CFAP47: variants seen among roughly 807,000 people sequenced by gnomAD.
CFAP47 encodes the protein cilia- and flagella-associated protein 47.
CFAP47 carries 29 observed loss-of-function variants against 148.1 expected under a neutral mutation model. That is an observed-to-expected ratio of 0.20 (90% CI 0.15 to 0.27). CFAP47 has a LOEUF of 0.27. Among genes scored for constraint, CFAP47 ranks in the 10% least tolerant of loss-of-function variants. The pLI is 1.00. For synonymous variants in CFAP47, 664 were observed against 577.3 expected, an observed-to-expected ratio of 1.15 and a Z score of -2.15; for missense variants, 1,872 against 1,697.5, an observed-to-expected ratio of 1.10 and a Z score of -1.81.
intron 41 of CFAP47, 47 bp from the exon 42 acceptor site, chrX:36,190,004 G>T (rs1939848743): frequency 6.8e-6 from 2 of 294,087 alleles, no homozygotes; most frequent in Non-Finnish European, 1.2e-5. Flanking sequence ...TAAATGAACA[G>T]CACTTACAAA....
intron 21 of CFAP47, among the ~76,000 whole-genome samples, chrX:36,004,644 G>A (rs1463091744): frequency 9.2e-6 from 1 of 109,172 alleles, no homozygotes; most frequent in Non-Finnish European, 1.9e-5. Flanking sequence ...TTAAGTGAAT[G>A]CAACTAGATA....
intron 48 of CFAP47, among the ~76,000 whole-genome samples, chrX:36,244,394 C>G (rs782111143): frequency 2.4e-3 from 271 of 110,669 alleles, no homozygotes; most frequent in Non-Finnish European, 2.3e-3. Flanking sequence ...TAGAGAAGAA[C>G]TAAATGATAC....
intron 57 of CFAP47, among the ~76,000 whole-genome samples, chrX:36,330,888 T>G (rs5973647): frequency 0.05 from 5,604 of 111,761 alleles, 387 homozygotes; most frequent in African/African-American, 0.17. Context: ...TTATCCCTCA[T>G]GTCACCTATA....
intron 21 of CFAP47, among the ~76,000 whole-genome samples, chrX:36,011,495 C>T (rs1937038302): frequency 8.9e-6 from 1 of 111,809 alleles, no homozygotes; most frequent in Admixed American, 9.5e-5. Context: ...GTAGCGTTTG[C>T]ATGTCTCAAC....
At chrX:36,275,415 CGTGTGTGTGTGTGT>C (rs35781816) in intron 49 of CFAP47, among the ~76,000 whole-genome samples, 28 of 87,715 alleles carry the variant, frequency 3.2e-4, no homozygotes, top group Non-Finnish European at 4.3e-4. Context: ...GTGAGATCGT[CGTGTGTGTGTGTGT>C]GTGTGTGTGT....
intron 57 of CFAP47, among the ~76,000 whole-genome samples, chrX:36,344,207 G>A (rs1322252314): frequency 1.0e-5 from 1 of 97,039 alleles, no homozygotes; most frequent in Non-Finnish European, 2.0e-5. Context: ...ATGTGCACAT[G>A]TACCCTAAAA....
chrX:36,188,897 C>T (rs1213885581), intron 41 of CFAP47, among the ~76,000 whole-genome samples: 4 of 111,129 alleles, frequency 3.6e-5, no homozygotes, highest in African/African-American at 1.3e-4. Context: ...CACATCTCTC[C>T]TTTCACTGCC....
At chrX:36,348,080 A>G in intron 57 of CFAP47, 49 bp from the exon 58 acceptor site, 1 of 719,653 alleles carries the variant, frequency 1.4e-6, no homozygotes, top group South Asian at 4.8e-5. Context: ...TTAAAATTAT[A>G]GTCTGTTAAT....
chrX:36,298,309 A>C lies in CFAP47; in HGVS notation c.7687-668A>C, dbSNP rs782298063. On this transcript the variant is annotated intron_variant, in intron 51 of 63. Coordinates refer to ENST00000378653, the MANE Select transcript of CFAP47 (RefSeq NM_001304548.2). ...TCATTCTCAGTAAACTATCGCAAGAACAAAAAACCAAACACCGCATGTTCT... is the reference window on the plus strand; with the variant it reads ...TCATTCTCAGTAAACTATCGCAAGACCAAAAAACCAAACACCGCATGTTCT... 2.3e-4 allele frequency among the ~76,000 whole-genome samples: 24 copies of C among 103,974 alleles called. No individual in the cohort carries two copies. The South Asian group carries it at 0.012, about 50-fold the overall frequency. The allele number at this position is 103,974 out of a possible 115,157, so 90.3% of individuals were successfully genotyped here. A position where few individuals can be genotyped will look rare whatever the true frequency, so the allele number is the denominator to read the frequency against.
chrX:36,205,965 T>A (rs1279312300), intron 45 of CFAP47, among the ~76,000 whole-genome samples: 1 of 111,604 alleles, frequency 9.0e-6, no homozygotes, highest in East Asian at 2.8e-4. Flanking sequence ...TGATTACAAC[T>A]TATAAATTAC....
chrX:35,954,493 G>C (rs1027364882), intron 7 of CFAP47, among the ~76,000 whole-genome samples: 2 of 111,270 alleles, frequency 1.8e-5, no homozygotes, highest in Non-Finnish European at 3.8e-5. Flanking sequence ...TTTATATTGT[G>C]TTTTGTGATA....
intron 26 of CFAP47, among the ~76,000 whole-genome samples, chrX:36,063,185 A>AT (rs1340074296): frequency 3.6e-5 from 4 of 111,478 alleles, no homozygotes. Context: ...AATACTGAGT[A>AT]TTTTTTAGAG....
At chrX:36,218,504 C>T (rs1398171048) in intron 45 of CFAP47, among the ~76,000 whole-genome samples, 1 of 111,855 alleles carries the variant, frequency 8.9e-6, no homozygotes, top group Non-Finnish European at 1.9e-5. Flanking sequence ...TCTGGAGGAA[C>T]ATCACTCTAT....
At chrX:36,276,274 T>C (rs782140396) in intron 49 of CFAP47, among the ~76,000 whole-genome samples, 1 of 111,124 alleles carries the variant, frequency 9.0e-6, no homozygotes, top group African/African-American at 3.3e-5. Flanking sequence ...CTTTCAAGTT[T>C]GTGGATTTTG....
At chrX:35,941,253 A>T in intron 2 of CFAP47, 30 bp from the exon 3 acceptor site, 2 of 815,261 alleles carry the variant, frequency 2.5e-6, no homozygotes, top group Non-Finnish European at 3.6e-6. Flanking sequence ...TTGTTAAATT[A>T]ATTATGTGGC....
At chrX:36,221,369 G>A (rs916388849) in intron 45 of CFAP47, among the ~76,000 whole-genome samples, 2 of 111,230 alleles carry the variant, frequency 1.8e-5, no homozygotes, top group Admixed American at 1.9e-4. Flanking sequence ...AATATTTGGG[G>A]CAATGAAAAG....
intron 48 of CFAP47, among the ~76,000 whole-genome samples, chrX:36,244,395 T>G (rs1303349702): frequency 9.0e-6 from 1 of 110,700 alleles, no homozygotes; most frequent in East Asian, 2.8e-4. Context: ...AGAGAAGAAC[T>G]AAATGATACT....
rs1367266602 is a variant in CFAP47, at chrX:36,104,631, A to G, written c.5260A>G (p.Ser1754Gly). 1 of 918,831 alleles carries G rather than the reference A, an allele frequency of 1.1e-6. No individual in the cohort carries two copies. The highest frequency in any genetic ancestry group is 2.3e-5 in the Admixed American group (1 of 43,354). 75.7% of individuals were successfully genotyped at this position (918,831 alleles called of 1,213,427 possible). Residue 1754 changes from serine (S) to glycine (G), a missense_variant, in exon 33 of 64, where the codon AGT becomes GGT. Coordinates refer to ENST00000378653, the MANE Select transcript of CFAP47 (RefSeq NM_001304548.2). ...TTCTGATTCTGAAAGAATTTTGCTT[A>G]GTTGGATGAACATAAATTATGAGAA... ...IYSDSERILL[S>G]WMNINYENTR...
chrX:36,323,213 A>G (rs1030723671), intron 57 of CFAP47, among the ~76,000 whole-genome samples: 1 of 111,458 alleles, frequency 9.0e-6, no homozygotes, highest in African/African-American at 3.2e-5. Flanking sequence ...CAACTAAGTT[A>G]TATACACCTA....
Sources: allele counts gnomAD v4.1 joint callset (sites outside exome capture counted in the v4.1 genomes callset), GRCh38; gene constraint gnomAD v4.1.1; transcripts MANE v1.5; gene names NCBI Gene and HGNC (gene_info 2026-07-23, HGNC 2026-07-21).